The following PPP4R2 variants were observed in gnomAD, a reference collection of about 807,000 sequenced individuals.
PPP4R2 encodes the protein protein phosphatase 4 regulatory subunit 2.
A neutral mutation model predicts 47.2 loss-of-function variants in PPP4R2; 13 were observed. That is an observed-to-expected ratio of 0.28 (90% CI 0.18 to 0.44). PPP4R2 has a LOEUF of 0.44. Among genes scored for constraint, PPP4R2 ranks in the 20% least tolerant of loss-of-function variants. The pLI, the probability that PPP4R2 is intolerant of heterozygous loss-of-function variation, is 1.00. For synonymous variants in PPP4R2, 151 were observed against 163.3 expected, an observed-to-expected ratio of 0.92 and a Z score of 0.57; for missense variants, 421 against 491.2, an observed-to-expected ratio of 0.86 and a Z score of 1.35.
chr3:73,017,685 CTT>C (rs1301829749), intron 2 of PPP4R2, among the ~76,000 whole-genome samples: 4 of 151,792 alleles, frequency 2.6e-5, no homozygotes, highest in Non-Finnish European at 4.4e-5. Flanking sequence ...GTTGGAAGAA[CTT>C]TGGAAGAAGC....
At chr3:73,057,677 G>C (rs898432376) in intron 3 of PPP4R2, among the ~76,000 whole-genome samples, 1 of 152,058 alleles carries the variant, frequency 6.6e-6, no homozygotes, top group Non-Finnish European at 1.5e-5. Context: ...CTTATACTTT[G>C]AACATAAGAA....
At chr3:73,023,382 C>G (rs1224757939) in intron 2 of PPP4R2, among the ~76,000 whole-genome samples, 1 of 152,250 alleles carries the variant, frequency 6.6e-6, no homozygotes, top group East Asian at 1.9e-4. Flanking sequence ...GACAGGGTTT[C>G]TCCATGTTGG....
At chr3:73,039,011 A>G (rs1231676828) in intron 2 of PPP4R2, among the ~76,000 whole-genome samples, 1 of 152,246 alleles carries the variant, frequency 6.6e-6, no homozygotes, top group African/African-American at 2.4e-5. Context: ...CAAAGCAGGT[A>G]CTATGCCATC....
At chr3:73,032,036 T>G (rs2130903) in intron 2 of PPP4R2, among the ~76,000 whole-genome samples, 26,950 of 152,122 alleles carry the variant, frequency 0.18, 3,153 homozygotes, top group East Asian at 0.36. Context: ...TGAGAAAGTG[T>G]TTGAAATACC....
At chr3:73,056,251 A>G (rs1702729544) in intron 3 of PPP4R2, among the ~76,000 whole-genome samples, 1 of 152,184 alleles carries the variant, frequency 6.6e-6, no homozygotes, top group Non-Finnish European at 1.5e-5. Flanking sequence ...TGTCACGCTT[A>G]CTAAGCTTGG....
chr3:73,041,304 A>G (rs1575870351), intron 2 of PPP4R2, among the ~76,000 whole-genome samples: 1 of 152,216 alleles, frequency 6.6e-6, no homozygotes, highest in Non-Finnish European at 1.5e-5. Context: ...TGCCCCATTT[A>G]TAGAGAGAGT....
chr3:73,004,670 C>T (rs1315011944), intron 2 of PPP4R2, among the ~76,000 whole-genome samples: 1 of 152,032 alleles, frequency 6.6e-6, no homozygotes, highest in African/African-American at 2.4e-5. Context: ...AGCTTGAACT[C>T]CCGAGCTTAA....
intron 2 of PPP4R2, among the ~76,000 whole-genome samples, chr3:73,019,275 G>A (rs945862660): frequency 6.6e-6 from 1 of 152,164 alleles, no homozygotes; most frequent in African/African-American, 2.4e-5. Context: ...GGAATCATCT[G>A]ATGACACATT....
At chr3:73,048,626 A>T (rs895967789) in intron 3 of PPP4R2, among the ~76,000 whole-genome samples, 1 of 152,324 alleles carries the variant, frequency 6.6e-6, no homozygotes, top group South Asian at 2.1e-4. Flanking sequence ...TTCGATATTT[A>T]GTTTGGCGTT....
At chr3:73,009,676 G>A (rs9870557) in intron 2 of PPP4R2, among the ~76,000 whole-genome samples, 58,290 of 151,760 alleles carry the variant, frequency 0.38, 11,557 homozygotes, top group African/African-American at 0.44. Flanking sequence ...CTTTCTCTCT[G>A]CTTGTAGACT....
chr3:73,005,131 C>CG (rs1701578314), intron 2 of PPP4R2, among the ~76,000 whole-genome samples: 1 of 151,890 alleles, frequency 6.6e-6, no homozygotes, highest in East Asian at 1.9e-4. Flanking sequence ...TTAGTAGAGA[C>CG]GGGGTTTCAC....
rs1702976282 is a variant in PPP4R2 at position 73,065,592 on chromosome 3, C to T, written c.1124C>T (p.Ser375Phe). The T allele has an allele frequency of 6.2e-7, 1 of 1,613,676 alleles. No homozygotes were observed. ...GAAGGCCCTGTAAGTAGTAGTTCTT[C>T]TGACTGCCGTGAAACAGAAGAATTA... ...ENEGPVSSSSSDCRETEELVG... is the reference protein window; with the variant it reads ...ENEGPVSSSSFDCRETEELVG... Residue 375 changes from serine to phenylalanine, a missense_variant, in exon 9 of 9, where the codon TCT (serine) becomes TTT (phenylalanine). Coordinates refer to ENST00000356692, the MANE Select transcript of PPP4R2 (RefSeq NM_174907.4).
At chr3:73,007,227 A>G (rs11128302) in intron 2 of PPP4R2, among the ~76,000 whole-genome samples, 20,307 of 152,206 alleles carry the variant, frequency 0.13, 1,645 homozygotes, top group East Asian at 0.36. Context: ...ATGCTTGATA[A>G]TAATACTCGT....
chr3:73,031,740 G>A (rs544368042), intron 2 of PPP4R2, among the ~76,000 whole-genome samples: 1 of 152,194 alleles, frequency 6.6e-6, no homozygotes, highest in South Asian at 2.1e-4. Flanking sequence ...GTCTAACACA[G>A]GTCTTTCTCA....
At chr3:73,055,667 CT>C (rs5850095) in intron 3 of PPP4R2, among the ~76,000 whole-genome samples, 1,602 of 143,014 alleles carry the variant, frequency 0.011, 20 homozygotes, top group East Asian at 0.042. Flanking sequence ...AAACCAAACG[CT>C]TTTTTTTTTT....
intron 2 of PPP4R2, among the ~76,000 whole-genome samples, chr3:73,007,458 C>T (rs975589524): frequency 7.0e-6 from 1 of 142,126 alleles, no homozygotes; most frequent in Non-Finnish European, 1.5e-5. Flanking sequence ...TTTTTCTTTT[C>T]TGTTTTTTTC....
intron 5 of PPP4R2, chr3:73,062,459 A>G: frequency 6.2e-7 from 1 of 1,612,572 alleles, no homozygotes; most frequent in East Asian, 2.2e-5. Flanking sequence ...CCCCAAGTTT[A>G]GTATTCTTGT....
At chr3:73,015,803 A>C (rs1288714736) in intron 2 of PPP4R2, 15 of 444,692 alleles carry the variant, frequency 3.4e-5, no homozygotes. Context: ...ATGCCCGATT[A>C]ATTTTTTTGT....
Position 73,066,770 on chromosome 3 carries a change from A to G in PPP4R2, c.*1048A>G, listed in dbSNP as rs1335942622. On this transcript the variant is annotated 3_prime_UTR_variant, in exon 9 of 9. Coordinates refer to ENST00000356692, the MANE Select transcript of PPP4R2 (RefSeq NM_174907.4). Reference sequence around the variant, plus strand: ...GGAAGAATTAATATATTACTTTAGTATGTACCTGAGCTAAATGACTGAAGC... The same window carrying G: ...GGAAGAATTAATATATTACTTTAGTGTGTACCTGAGCTAAATGACTGAAGC... 3 of 152,100 alleles carry G rather than the reference A, an allele frequency of 2.0e-5. No individual in the cohort carries two copies. The highest frequency in any genetic ancestry group is 7.2e-5 in the African/African-American group (3 of 41,450). 9.4% of individuals were successfully genotyped at this position (152,100 alleles called of 1,614,324 possible). A position where few individuals can be genotyped will look rare whatever the true frequency, so the allele number is the denominator to read the frequency against.
Sources: gnomAD v4.1 joint callset for allele counts (sites outside exome capture counted in the v4.1 genomes callset) on GRCh38, gnomAD v4.1.1 for gene constraint, MANE v1.5 for transcripts, NCBI Gene and HGNC (gene_info 2026-07-23, HGNC 2026-07-21) for gene names.